NPFFR2: variants seen among roughly 807,000 people sequenced by gnomAD.
The protein encoded by NPFFR2 is neuropeptide FF receptor 2.
In NPFFR2, 15 loss-of-function variants were observed where a neutral mutation model predicts 13.1. That is an observed-to-expected ratio of 1.15 (90% CI 0.77 to 1.76). The LOEUF (loss-of-function observed/expected upper bound fraction) is 1.76. Among genes scored for constraint, NPFFR2 ranks in the 40% most tolerant of loss-of-function variants. The pLI, the probability that NPFFR2 is intolerant of heterozygous loss-of-function variation, is 0.00. For missense variants in NPFFR2, 572 were observed against 503.5 expected (o/e 1.14, Z -1.30); for synonymous variants, 190 against 175.7 (o/e 1.08, Z -0.65).
intron 1 of NPFFR2, among the ~76,000 whole-genome samples, chr4:72,065,692 A>G (rs1720047322): frequency 6.6e-6 from 1 of 152,196 alleles, no homozygotes; most frequent in Admixed American, 6.5e-5. Flanking sequence ...TTCTTCTAGT[A>G]GGAGCAGCCT....
chr4:72,127,202 G>A (rs1253414684), intron 1 of NPFFR2, among the ~76,000 whole-genome samples: 7 of 147,434 alleles, frequency 4.7e-5, no homozygotes, highest in African/African-American at 1.8e-4. Flanking sequence ...TACTCGGGAG[G>A]GTGAGGCGGG....
intron 1 of NPFFR2, among the ~76,000 whole-genome samples, chr4:72,104,110 C>T (rs746098328): frequency 1.3e-5 from 2 of 151,952 alleles, no homozygotes; most frequent in African/African-American, 4.8e-5. Flanking sequence ...GTTCACCATC[C>T]CCTGCCCAGT....
intron 3 of NPFFR2, among the ~76,000 whole-genome samples, chr4:72,138,482 A>G (rs904324795): frequency 1.5e-5 from 2 of 137,338 alleles, no homozygotes; most frequent in African/African-American, 5.6e-5. Context: ...TCATTGTTCT[A>G]TTCCCACCTA....
At chr4:72,118,176 C>T (rs566137054) in intron 1 of NPFFR2, among the ~76,000 whole-genome samples, 82 of 152,244 alleles carry the variant, frequency 5.4e-4, no homozygotes, top group African/African-American at 2.0e-3. Flanking sequence ...AAGAGCTGCA[C>T]GGAATAAAAT....
intron 1 of NPFFR2, among the ~76,000 whole-genome samples, chr4:72,068,047 C>G (rs1720126180): frequency 6.6e-6 from 1 of 152,148 alleles, no homozygotes; most frequent in South Asian, 2.1e-4. Flanking sequence ...CAAAAGTTTT[C>G]CAGTCTGTAG....
At chr4:72,046,586 AAAGACATACT>A (rs1719389284) in intron 1 of NPFFR2, among the ~76,000 whole-genome samples, 1 of 152,194 alleles carries the variant, frequency 6.6e-6, no homozygotes, top group African/African-American at 2.4e-5. Context: ...CAGCAGAAAA[AAAGACATACT>A]ATTCATACTG....
intron 1 of NPFFR2, among the ~76,000 whole-genome samples, chr4:72,045,531 G>A (rs1385670406): frequency 6.6e-6 from 1 of 152,100 alleles, no homozygotes; most frequent in Non-Finnish European, 1.5e-5. Flanking sequence ...CTCAGCTTAT[G>A]ATGTATAATA....
chr4:72,046,139 A>G (rs932309325), intron 1 of NPFFR2, among the ~76,000 whole-genome samples: 2 of 152,162 alleles, frequency 1.3e-5, no homozygotes, highest in Non-Finnish European at 2.9e-5. Context: ...AAAAGACTGG[A>G]TAGATTTGAG....
chr4:72,139,431 T>A (rs925619846), intron 3 of NPFFR2, among the ~76,000 whole-genome samples: 3 of 152,186 alleles, frequency 2.0e-5, no homozygotes, highest in Non-Finnish European at 4.4e-5. Flanking sequence ...GAATTAATTT[T>A]TGTGTGAGGT....
Position 72,032,012 on chromosome 4 carries a change from G to A in NPFFR2, c.-196G>A. ...GGGAGCGCAGAGCACTCAGCGTCCA[G>A]CAGCGCGGCGGGCCAGCCTGGAGCG... is the stretch of plus-strand genomic sequence containing the variant. On this transcript the variant is annotated 5_prime_UTR_variant, in exon 1 of 4. Coordinates refer to ENST00000308744, the MANE Select transcript of NPFFR2 (RefSeq NM_004885.3). 6.2e-7 allele frequency: 1 copy of A among 1,613,878 alleles called. No individual in the cohort carries two copies. Among genetic ancestry groups the A allele is most frequent in the Non-Finnish European group, 8.5e-7 (1 of 1,179,896 alleles).
Position 72,032,171 on chromosome 4 carries a change from T to C in NPFFR2, c.-37T>C. The stretch of plus-strand genomic sequence containing the variant: ...GCAGACGGGCTTGGTGGATTCTGGT[T>C]CCTGCCGCCGACAGGGCTCGCCGGG... On this transcript the variant is annotated 5_prime_UTR_variant, in exon 1 of 4. Coordinates refer to ENST00000308744, the MANE Select transcript of NPFFR2 (RefSeq NM_004885.3). 3 of 1,612,276 alleles carry C rather than the reference T, an allele frequency of 1.9e-6. No homozygotes were observed. The highest frequency in any genetic ancestry group is 2.5e-6 in the Non-Finnish European group (3 of 1,178,830).
chr4:72,100,677 T>C (rs1721215417), intron 1 of NPFFR2, among the ~76,000 whole-genome samples: 1 of 152,092 alleles, frequency 6.6e-6, no homozygotes, highest in African/African-American at 2.4e-5. Context: ...AATACTATTA[T>C]TAACAGGTTG....
chr4:72,034,236 T>C (rs1426556202), intron 1 of NPFFR2, among the ~76,000 whole-genome samples: 1 of 152,212 alleles, frequency 6.6e-6, no homozygotes, highest in Non-Finnish European at 1.5e-5. Flanking sequence ...ATTCTCATGC[T>C]GCTATAAAGG....
At chr4:72,119,946 GGA>G (rs1449345020) in intron 1 of NPFFR2, among the ~76,000 whole-genome samples, 1 of 152,124 alleles carries the variant, frequency 6.6e-6, no homozygotes, top group East Asian at 1.9e-4. Flanking sequence ...TCAATCCCCT[GGA>G]GAGAGGGCTG....
chr4:72,123,070 ATATCATCACTGAT>A (rs1330436500), intron 1 of NPFFR2, among the ~76,000 whole-genome samples: 14 of 152,296 alleles, frequency 9.2e-5, no homozygotes, highest in Middle Eastern at 3.4e-3. Flanking sequence ...TATAAAGGGG[ATATCATCACTGAT>A]TATCATCACT....
In NPFFR2 at chr4:72,134,798, T is replaced by C. The variant is rs183191055; in HGVS notation, c.329-3242T>C. Among the ~76,000 whole-genome samples, 199 of 152,266 alleles carry C rather than the reference T, an allele frequency of 1.3e-3. 1 individual carries two copies. Among genetic ancestry groups the C allele is most frequent in the African/African-American group, 4.6e-3 (190 of 41,534 alleles). ...TTCCCGGTGTTTTCTGTTCTCTTTA[T>C]AGGAACACGTTACTCCCAGGGCAGA... On this transcript the variant is annotated intron_variant, in intron 2 of 3. Transcript: ENST00000308744.
At chr4:72,105,409 G>A (rs1721390090) in intron 1 of NPFFR2, among the ~76,000 whole-genome samples, 1 of 151,970 alleles carries the variant, frequency 6.6e-6, no homozygotes, top group African/African-American at 2.4e-5. Flanking sequence ...TATGCACTCT[G>A]GAATAACTAT....
chr4:72,078,467 AAG>A (rs1364478090), intron 1 of NPFFR2, among the ~76,000 whole-genome samples: 1 of 152,150 alleles, frequency 6.6e-6, no homozygotes, highest in African/African-American at 2.4e-5. Flanking sequence ...TGCTTTTTGA[AAG>A]AGGACAGAAG....
At chr4:72,115,030 C>A (rs1383310462) in intron 1 of NPFFR2, among the ~76,000 whole-genome samples, 1 of 152,098 alleles carries the variant, frequency 6.6e-6, no homozygotes, top group Non-Finnish European at 1.5e-5. Flanking sequence ...AGAGGTCAAG[C>A]ATTGGATATA....
Sources: allele counts gnomAD v4.1 joint callset (sites outside exome capture counted in the v4.1 genomes callset), GRCh38; gene constraint gnomAD v4.1.1; transcripts MANE v1.5; gene names NCBI Gene and HGNC (gene_info 2026-07-23, HGNC 2026-07-21).